KAZN: variants seen among roughly 807,000 people sequenced by gnomAD.
The protein encoded by KAZN is kazrin.
In KAZN, 40 loss-of-function variants were observed where a neutral mutation model predicts 87.4. The observed-to-expected ratio is 0.46, with a 90% CI of 0.36 to 0.60. The LOEUF is 0.60. KAZN is among the 20% of genes least tolerant of loss of function. The pLI is 0.00. For missense variants in KAZN, 898 were observed against 1,073.9 expected, an observed-to-expected ratio of 0.84 and a Z score of 2.29; for synonymous variants, 466 against 458.3, an observed-to-expected ratio of 1.02 and a Z score of -0.22.
intron 1 of KAZN, among the ~76,000 whole-genome samples, chr1:14,650,899 A>C (rs989580556): frequency 2.0e-5 from 3 of 152,202 alleles, no homozygotes; most frequent in African/African-American, 7.2e-5. Context: ...TTAGGAAATC[A>C]AGGAGAAAAC....
chr1:14,528,349 A>G (rs558011253), intron 2 of KAZN, among the ~76,000 whole-genome samples: 2,592 of 145,124 alleles, frequency 0.018, 35 homozygotes, highest in Non-Finnish European at 0.03. Flanking sequence ...AAAAAAAAAA[A>G]AAAAAAAAAA....
intron 2 of KAZN, among the ~76,000 whole-genome samples, chr1:14,477,122 G>A (rs767584737): frequency 5.9e-5 from 9 of 152,182 alleles, no homozygotes; most frequent in Non-Finnish European, 1.0e-4. Context: ...GTCGTGGAAG[G>A]AACTGGTGGG....
intron 1 of KAZN, among the ~76,000 whole-genome samples, chr1:13,955,288 C>T (rs908854230): frequency 2.6e-5 from 4 of 151,976 alleles, no homozygotes; most frequent in Admixed American, 2.6e-4. Context: ...CCGTTATACC[C>T]GTATGACTGT....
intron 3 of KAZN, among the ~76,000 whole-genome samples, chr1:15,037,896 G>C (rs1672500373): frequency 6.6e-6 from 1 of 152,134 alleles, no homozygotes; most frequent in South Asian, 2.1e-4. Flanking sequence ...GAGGACCCAG[G>C]AATCAGGAGC....
At chr1:14,868,039 A>AC (rs1243913422) in intron 1 of KAZN, among the ~76,000 whole-genome samples, 1 of 87,738 alleles carries the variant, frequency 1.1e-5, no homozygotes, top group African/African-American at 3.4e-5. Context: ...GGCATCGCAT[A>AC]GCATGGCATC....
rs747413958 is a variant in KAZN, at chr1:15,099,579, C to T, written c.1548-1964C>T. On this transcript the variant is annotated intron_variant, in intron 10 of 14. Transcript: ENST00000376030. This position sits in a 1 kb window ranked among gnomAD's most constrained non-coding sequence, Gnocchi z 5.4. ...TGAAGAGCTCAGTGCCTCCAGGAAA[C>T]GGCCCCCAGGACCCCAAGCCCCATG... 1.6e-4 allele frequency among the ~76,000 whole-genome samples: 24 copies of T among 152,170 alleles called. No homozygotes were observed. Among genetic ancestry groups the T allele is most frequent in the Middle Eastern group, 6.8e-3 (2 of 294 alleles).
intron 2 of KAZN, among the ~76,000 whole-genome samples, chr1:14,978,332 T>A (rs1665877519): frequency 6.6e-6 from 1 of 152,120 alleles, no homozygotes; most frequent in Non-Finnish European, 1.5e-5. Context: ...TGGGACCAGA[T>A]GAAGAGCAGA....
At position 15,060,187 on chromosome 1, in the gene KAZN, C is replaced by T; in HGVS notation, c.932C>T (p.Pro311Leu). 6.2e-7 allele frequency: 1 copy of T among 1,614,246 alleles called. No homozygotes were observed. Among genetic ancestry groups the T allele is most frequent in the Non-Finnish European group, 8.5e-7 (1 of 1,180,044 alleles). ...PADRQAVRVS[P>L]CHSRQPSVIS... ...TGCTTTCCAGCGGTCAGGGTGAGCCCCTGCCACTCCCGGCAGCCCTCTGTC... is the reference window on the plus strand; with the variant it reads ...TGCTTTCCAGCGGTCAGGGTGAGCCTCTGCCACTCCCGGCAGCCCTCTGTC... The change falls in exon 6 of 15, where the codon CCC becomes CTC. Residue 311 changes from proline (P) to leucine (L), a missense_variant. Physicochemically the swap from Pro to Leu is moderately conservative, Grantham distance 98 (BLOSUM62 -3). Around this residue, in one of 3 missense-constraint regions of KAZN, gnomAD observed 521 missense variants for 689.4 expected, o/e 0.76. Transcript: ENST00000376030.
intron 5 of KAZN, among the ~76,000 whole-genome samples, chr1:15,059,100 C>A (rs1044073293): frequency 2.0e-4 from 30 of 147,976 alleles, no homozygotes; most frequent in Admixed American, 1.2e-3. Context: ...AGAAAACAGG[C>A]ACTTTTTTTT....
chr1:14,803,397 C>A (rs2100749836), intron 1 of KAZN, among the ~76,000 whole-genome samples: 2 of 152,254 alleles, frequency 1.3e-5, no homozygotes, highest in South Asian at 4.1e-4. Flanking sequence ...ATGAGTTGGC[C>A]CTGATGAAAG....
intron 1 of KAZN, among the ~76,000 whole-genome samples, chr1:14,739,751 T>C (rs1458942457): frequency 6.6e-6 from 1 of 152,032 alleles, no homozygotes; most frequent in Admixed American, 6.6e-5. Context: ...AATGACGGAT[T>C]CAAAAAAAGT....
At chr1:14,681,609 A>ATGTG (rs565221895) in intron 1 of KAZN, among the ~76,000 whole-genome samples, 13 of 67,410 alleles carry the variant, frequency 1.9e-4, no homozygotes, top group African/African-American at 4.6e-4. Flanking sequence ...ATATATGTAT[A>ATGTG]TGTGTATATA....
intron 2 of KAZN, among the ~76,000 whole-genome samples, chr1:15,001,304 A>T (rs1042255246): frequency 7.1e-6 from 1 of 140,680 alleles, no homozygotes; most frequent in Admixed American, 7.3e-5. Flanking sequence ...TCTACTAAAA[A>T]TACAAAAAAA....
At chr1:14,568,291 C>T (rs1674658439) in intron 2 of KAZN, among the ~76,000 whole-genome samples, 1 of 152,250 alleles carries the variant, frequency 6.6e-6, no homozygotes, top group African/African-American at 2.4e-5. Flanking sequence ...TCAAATTCTG[C>T]CAACAATCAC....
intron 2 of KAZN, among the ~76,000 whole-genome samples, chr1:14,344,743 A>G (rs1657986713): frequency 6.6e-6 from 1 of 152,134 alleles, no homozygotes; most frequent in South Asian, 2.1e-4. Flanking sequence ...AGAAGAGAGG[A>G]CAATTCAGGG....
intron 2 of KAZN, among the ~76,000 whole-genome samples, chr1:14,426,907 T>C (rs1557713850): frequency 6.6e-6 from 1 of 152,196 alleles, no homozygotes; most frequent in Admixed American, 6.5e-5. Flanking sequence ...CCCTTTCACA[T>C]CCTTGGATTC....
chr1:14,852,026 A>T (rs951684791), intron 1 of KAZN, among the ~76,000 whole-genome samples: 2 of 152,202 alleles, frequency 1.3e-5, no homozygotes, highest in Non-Finnish European at 2.9e-5. Flanking sequence ...AGCTCCTCCC[A>T]TTCCCTAGAT....
chr1:14,013,867 A>T (rs1346839088), intron 1 of KAZN, among the ~76,000 whole-genome samples: 1 of 152,162 alleles, frequency 6.6e-6, no homozygotes, highest in Non-Finnish European at 1.5e-5. Flanking sequence ...AAGCCTCCAG[A>T]TCATGACGAT....
chr1:14,489,941 G>A (rs1367597046), intron 2 of KAZN, among the ~76,000 whole-genome samples: 1 of 151,992 alleles, frequency 6.6e-6, no homozygotes, highest in African/African-American at 2.4e-5. Context: ...GAATAGACTT[G>A]CTGGAAATGG....
Sources: allele counts gnomAD v4.1 joint callset (sites outside exome capture counted in the v4.1 genomes callset), GRCh38; gene constraint gnomAD v4.1.1; regional missense constraint gnomAD v4.1.1; non-coding constraint Gnocchi (gnomAD v3.1); transcripts MANE v1.5; gene names NCBI Gene and HGNC (gene_info 2026-07-23, HGNC 2026-07-21).